LRRK1: variants seen among roughly 807,000 people sequenced by gnomAD.
The protein encoded by LRRK1 is leucine rich repeat kinase 1.
Under a neutral mutation model 209.1 loss-of-function variants are expected in LRRK1, and 113 were observed. The ratio of observed to expected loss-of-function variants is 0.54; its 90% CI spans 0.46 to 0.63. The LOEUF (loss-of-function observed/expected upper bound fraction) is 0.63, where lower values mean the gene tolerates loss of function less well. Ranked by LOEUF, LRRK1 falls within the 30% of genes least tolerant of loss-of-function variation. LRRK1 has a pLI of 0.00. For missense variants in LRRK1, 2,284 were observed against 2,632.2 expected (o/e 0.87, Z 2.89); for synonymous variants, 1,144 against 1,099.7 (o/e 1.04, Z -0.80).
At chr15:101,055,993 G>A (rs2035772636) in intron 27 of LRRK1, among the ~76,000 whole-genome samples, 1 of 152,168 alleles carries the variant, frequency 6.6e-6, no homozygotes, top group African/African-American at 2.4e-5. Context: ...TGTGGTTGTT[G>A]CCCATAGAAA....
rs938797411 is a variant in LRRK1 at position 101,075,720 on chromosome 15, G to C, written c.*6872G>C. Reference sequence around the variant, plus strand: ...CATTGTTTTGCCTATCCACCCCATGGTGTCAAACCCATATACTCTCCTATC... The same window carrying C: ...CATTGTTTTGCCTATCCACCCCATGCTGTCAAACCCATATACTCTCCTATC... On this transcript the variant is annotated 3_prime_UTR_variant, in exon 34 of 34. Transcript: ENST00000388948. 7.8e-6 allele frequency: 1 copy of C among 128,016 alleles called. No homozygotes were observed. Among genetic ancestry groups the C allele is most frequent in the Non-Finnish European group, 1.8e-5 (1 of 54,258 alleles). 7.9% of individuals were successfully genotyped at this position (128,016 alleles called of 1,614,324 possible). A position where few individuals can be genotyped will look rare whatever the true frequency, so the allele number is the denominator to read the frequency against.
Position 101,014,319 on chromosome 15 carries a change from C to G in LRRK1, c.1423C>G (p.Leu475Val). Residue 475 changes from leucine (L) to valine (V), a missense_variant, in exon 11 of 34, where the codon CTC (leucine) becomes GTC (valine). By Grantham distance (32) the Leu-to-Val change is conservative. Transcript: ENST00000388948. Reference sequence around the variant, plus strand: ...TCTCCCTCCCTCTCTCTCTCAGGCCCTCATGTTCTTGAGGTTACAGGGGAA... The same window carrying G: ...TCTCCCTCCCTCTCTCTCTCAGGCCGTCATGTTCTTGAGGTTACAGGGGAA... ...VPLGLFQLDA[L>V]MFLRLQGNQL... 6.2e-7 allele frequency: 1 copy of G among 1,610,234 alleles called. No homozygotes were observed. The highest frequency in any genetic ancestry group is 2.2e-5 in the East Asian group (1 of 44,820).
Position 100,999,188 on chromosome 15 carries a change from G to A in LRRK1, c.763-9649G>A, listed in dbSNP as rs1413353217. ...TAGCTATTGGCAAAATTCCTAAGCT[G>A]GAACTAGTGACAGGAGATTTCTTGT... On this transcript the variant is annotated intron_variant, in intron 6 of 33. Coordinates refer to ENST00000388948, the MANE Select transcript of LRRK1 (RefSeq NM_024652.6). Among the ~76,000 whole-genome samples the A allele has an allele frequency of 2.0e-5, 3 of 152,084 alleles. No homozygotes were observed. The East Asian group carries it at 5.8e-4, about 29-fold the overall frequency.
At chr15:101,046,295 G>A in intron 21 of LRRK1, 143 bp downstream of exon 21, 1 of 954,712 alleles carries the variant, frequency 1.0e-6, no homozygotes, top group East Asian at 2.6e-5. Context: ...AGTGCCAGGG[G>A]GCAGGTGTGG....
chr15:101,025,044 CCTGTACTG>C, intron 16 of LRRK1, 77 bp downstream of exon 16: 1 of 1,397,626 alleles, frequency 7.2e-7, no homozygotes, highest in Non-Finnish European at 9.6e-7. Flanking sequence ...TCAAGCATCC[CCTGTACTG>C]AGAAAAAAAG....
At chr15:100,953,915 T>TTTG (rs991760055) in intron 2 of LRRK1, among the ~76,000 whole-genome samples, 2 of 151,868 alleles carry the variant, frequency 1.3e-5, no homozygotes, top group South Asian at 2.1e-4. Context: ...GTTTGTTTGT[T>TTTG]TTGTTGTTGT....
intron 2 of LRRK1, among the ~76,000 whole-genome samples, chr15:100,955,120 A>G (rs2042727475): frequency 6.6e-6 from 1 of 152,166 alleles, no homozygotes; most frequent in Admixed American, 6.5e-5. Context: ...AACAGTATTA[A>G]TGCTTCCAAT....
At chr15:101,011,226 T>C (rs2033221989) in intron 9 of LRRK1, among the ~76,000 whole-genome samples, 1 of 151,812 alleles carries the variant, frequency 6.6e-6, no homozygotes, top group Non-Finnish European at 1.5e-5. Context: ...CCCAGCACTT[T>C]GGGAGGCCAA....
chr15:101,011,927 A>G, intron 9 of LRRK1, 81 bp from the exon 10 acceptor site: 1 of 1,009,982 alleles, frequency 9.9e-7, no homozygotes, highest in Non-Finnish European at 1.5e-6. Flanking sequence ...TTTTAACATC[A>G]AATTTGGAAA....
intron 33 of LRRK1, 89 bp from the exon 34 acceptor site, chr15:101,068,582 C>T (rs957212440): frequency 5.9e-5 from 81 of 1,379,510 alleles, no homozygotes; most frequent in African/African-American, 2.2e-4. Context: ...TAGCCAGCTC[C>T]GCCTTCCTCA....
At chr15:101,004,962 A>T (rs2032873251) in intron 6 of LRRK1, among the ~76,000 whole-genome samples, 1 of 152,214 alleles carries the variant, frequency 6.6e-6, no homozygotes, top group Non-Finnish European at 1.5e-5. Flanking sequence ...GAGACTTAAG[A>T]TTTGTTGTCA....
chr15:101,066,974 A>G (rs2036565512), intron 33 of LRRK1, among the ~76,000 whole-genome samples: 1 of 152,220 alleles, frequency 6.6e-6, no homozygotes, highest in Non-Finnish European at 1.5e-5. Flanking sequence ...CCTGTAGATC[A>G]AGTACCCTAC....
In LRRK1 at chr15:100,951,180, A is replaced by G. The variant is rs371416825; in HGVS notation, c.98-22624A>G. ...AGATGTGAAAATGGCCAATCAGCAC[A>G]TGAAAAGATGCTCAACATCATTAAT... On this transcript the variant is annotated intron_variant, in intron 2 of 33. Coordinates refer to ENST00000388948, the MANE Select transcript of LRRK1 (RefSeq NM_024652.6). 2.4e-4 allele frequency among the ~76,000 whole-genome samples: 36 copies of G among 152,388 alleles called. No individual in the cohort carries two copies. The East Asian group carries it at 2.7e-3, about 11-fold the overall frequency.
chr15:100,935,038 T>C (rs73482810), intron 2 of LRRK1, among the ~76,000 whole-genome samples: 8,809 of 152,212 alleles, frequency 0.058, 741 homozygotes, highest in African/African-American at 0.19. Flanking sequence ...AATGATCTGC[T>C]CAGCCCTCCC....
chr15:101,020,065 A>G (rs969588745), intron 12 of LRRK1, among the ~76,000 whole-genome samples: 55 of 152,352 alleles, frequency 3.6e-4, no homozygotes, highest in African/African-American at 1.3e-3. Context: ...ATTTTCATTA[A>G]CTAGCTTTTT....
rs753181668 is a variant in LRRK1, at chr15:101,058,024, A to G, written c.4562A>G (p.Lys1521Arg). Residue 1521 changes from lysine to arginine, a missense_variant, in exon 29 of 34, where the codon AAG (lysine) becomes AGG (arginine). Transcript: ENST00000388948. Reference protein sequence around the residue: ...PLALSVVSQMKDPTFATFMYE... With the variant: ...PLALSVVSQMRDPTFATFMYE... Reference sequence around the variant, plus strand: ...GCCCTGTCGGTGGTGAGCCAGATGAAGGACCCGACTTTTGCCACCTTCATG... The same window carrying G: ...GCCCTGTCGGTGGTGAGCCAGATGAGGGACCCGACTTTTGCCACCTTCATG... The G allele has an allele frequency of 2.4e-5, 39 of 1,614,012 alleles. No homozygotes were observed. The South Asian group carries it at 3.5e-4, about 15-fold the overall frequency.
At chr15:100,955,977 T>C (rs1457206881) in intron 2 of LRRK1, among the ~76,000 whole-genome samples, 1 of 152,184 alleles carries the variant, frequency 6.6e-6, no homozygotes, top group Non-Finnish European at 1.5e-5. Context: ...TATCTGGCTG[T>C]GGTAGGAGGT....
rs995505593 is a variant in LRRK1, at chr15:101,070,943, C to T, written c.*2095C>T. Reference sequence around the variant, plus strand: ...GAGAGACAAAGACCTCACTTATCTTCATTACAGAGAGTTCGTAATGTCAAT... The same window carrying T: ...GAGAGACAAAGACCTCACTTATCTTTATTACAGAGAGTTCGTAATGTCAAT... On this transcript the variant is annotated 3_prime_UTR_variant, in exon 34 of 34. Transcript: ENST00000388948. 1.3e-5 allele frequency: 2 copies of T among 152,170 alleles called. No individual in the cohort carries two copies. Among genetic ancestry groups the T allele is most frequent in the East Asian group, 3.8e-4 (2 of 5,202 alleles). The allele number at this position is 152,170 out of a possible 1,614,324, so 9.4% of individuals were successfully genotyped here.
At chr15:101,040,895 A>G (rs2034720635) in intron 20 of LRRK1, among the ~76,000 whole-genome samples, 1 of 152,232 alleles carries the variant, frequency 6.6e-6, no homozygotes, top group Non-Finnish European at 1.5e-5. Context: ...TGGCTGTAGT[A>G]TCTTATAAAC....
Sources: allele counts gnomAD v4.1 joint callset (sites outside exome capture counted in the v4.1 genomes callset), GRCh38; gene constraint gnomAD v4.1.1; transcripts MANE v1.5; gene names NCBI Gene and HGNC (gene_info 2026-07-23, HGNC 2026-07-21).